The following CADPS2 variants were observed in gnomAD, a reference collection of about 807,000 sequenced individuals.
CADPS2 encodes calcium-dependent secretion activator 2.
A neutral mutation model predicts 172.5 loss-of-function variants in CADPS2; 93 were observed. That is an observed-to-expected ratio of 0.54 (90% CI 0.46 to 0.64). The LOEUF is 0.64. Among genes scored for constraint, CADPS2 ranks in the 30% least tolerant of loss-of-function variants. The probability of loss-of-function intolerance (pLI) is 0.00; values close to 1 mark genes in which losing one functional copy is unlikely to be tolerated. For synonymous variants in CADPS2, 546 were observed against 555.2 expected, an observed-to-expected ratio of 0.98 and a Z score of 0.23; for missense variants, 1,420 against 1,565.9, an observed-to-expected ratio of 0.91 and a Z score of 1.57.
At position 122,627,308 on chromosome 7, in the gene CADPS2, TA is replaced by T. The variant is rs564161117; in HGVS notation, c.867+1939del. ...AAGGTCAGTCAATTGTTATTAGGCT[TA>T]AAAATATTTCATTAAGACGGCTTCA... On this transcript the variant is annotated intron_variant, in intron 4 of 29. Coordinates refer to ENST00000449022, the MANE Select transcript of CADPS2 (RefSeq NM_017954.11). Among the ~76,000 whole-genome samples the T allele has an allele frequency of 2.7e-3, 411 of 152,322 alleles. 1 individual carries two copies. Among genetic ancestry groups the T allele is most frequent in the African/African-American group, 8.9e-3 (368 of 41,574 alleles).
chr7:122,882,970 T>C (rs1408403861), intron 1 of CADPS2, among the ~76,000 whole-genome samples: 2 of 152,152 alleles, frequency 1.3e-5, no homozygotes, highest in East Asian at 1.9e-4. Context: ...GTGTAGCCCA[T>C]ATGCACCCCC....
intron 1 of CADPS2, among the ~76,000 whole-genome samples, chr7:122,854,942 GATA>G (rs540755464): frequency 3.3e-5 from 5 of 152,252 alleles, no homozygotes; most frequent in Non-Finnish European, 7.4e-5. Flanking sequence ...TAAAAAATTA[GATA>G]ATGTTTACTG....
intron 7 of CADPS2, among the ~76,000 whole-genome samples, chr7:122,564,693 A>G (rs2066176289): frequency 6.6e-6 from 1 of 152,156 alleles, no homozygotes; most frequent in Admixed American, 6.5e-5. Context: ...AAATCAGTAT[A>G]TCAAAAAGAC....
At chr7:122,816,978 C>G (rs1434684974) in intron 1 of CADPS2, among the ~76,000 whole-genome samples, 1 of 150,838 alleles carries the variant, frequency 6.6e-6, no homozygotes. Context: ...CACCTTGCGA[C>G]CCCCACTCCT....
intron 1 of CADPS2, among the ~76,000 whole-genome samples, chr7:122,831,184 A>G (rs1476798356): frequency 3.3e-5 from 5 of 152,160 alleles, no homozygotes; most frequent in Non-Finnish European, 1.5e-5. Flanking sequence ...GGTTATTATT[A>G]TTATTCAACT....
At chr7:122,358,821 C>G in intron 27 of CADPS2, among the ~76,000 whole-genome samples, 1 of 152,110 alleles carries the variant, frequency 6.6e-6, no homozygotes, top group Non-Finnish European at 1.5e-5. Flanking sequence ...ACTTTGTAAT[C>G]TGCCATGGTC....
chr7:122,434,303 T>C (rs1273667297), intron 17 of CADPS2, among the ~76,000 whole-genome samples: 2 of 152,018 alleles, frequency 1.3e-5, no homozygotes, highest in Non-Finnish European at 2.9e-5. Flanking sequence ...GTTTTGTTCC[T>C]GTCACTTTCT....
At chr7:122,340,398 G>A (rs927917269) in intron 28 of CADPS2, among the ~76,000 whole-genome samples, 6 of 152,154 alleles carry the variant, frequency 3.9e-5, no homozygotes, top group African/African-American at 1.4e-4. Context: ...TTCAAGGTGG[G>A]CAGTGCCCAA....
chr7:122,770,866 C>A (rs2093687409), intron 1 of CADPS2, among the ~76,000 whole-genome samples: 1 of 152,148 alleles, frequency 6.6e-6, no homozygotes, highest in African/African-American at 2.4e-5. Context: ...GACAAAAGGG[C>A]TTTAAGGCGT....
chr7:122,641,361 G>C (rs1298495630), intron 3 of CADPS2, among the ~76,000 whole-genome samples: 1 of 152,064 alleles, frequency 6.6e-6, no homozygotes, highest in Non-Finnish European at 1.5e-5. Flanking sequence ...TCATTACACA[G>C]GGATTACTGT....
At chr7:122,756,674 G>C (rs1407577065) in intron 1 of CADPS2, among the ~76,000 whole-genome samples, 3 of 152,154 alleles carry the variant, frequency 2.0e-5, no homozygotes, top group Non-Finnish European at 4.4e-5. Flanking sequence ...GGCAGTGGGT[G>C]CATCACCTGA....
chr7:122,734,389 A>AAAAAAAAAAAAAAAAAG (rs2091980642), intron 2 of CADPS2, among the ~76,000 whole-genome samples: 6 of 47,852 alleles, frequency 1.3e-4, no homozygotes, highest in Non-Finnish European at 2.3e-4. Flanking sequence ...AAAAAAAAGA[A>AAAAAAAAAAAAAAAAAG]AAAAAAAAAA....
intron 1 of CADPS2, among the ~76,000 whole-genome samples, chr7:122,799,750 T>C (rs759616253): frequency 1.3e-5 from 2 of 152,142 alleles, no homozygotes; most frequent in Non-Finnish European, 2.9e-5. Flanking sequence ...GGCACTCATA[T>C]TAGTCAAAAT....
chr7:122,546,871 C>A (rs552790657), intron 8 of CADPS2, among the ~76,000 whole-genome samples: 7 of 152,048 alleles, frequency 4.6e-5, no homozygotes, highest in Non-Finnish European at 8.8e-5. Context: ...TTCTTGTCAG[C>A]TGTTGGGGAA....
chr7:122,569,545 T>C (rs1163053078), intron 7 of CADPS2, among the ~76,000 whole-genome samples: 4 of 134,144 alleles, frequency 3.0e-5, no homozygotes, highest in Non-Finnish European at 6.1e-5. Context: ...AAAGTTCATA[T>C]GGAACCAAAA....
chr7:122,324,380 A>G (rs1253260353), intron 29 of CADPS2, among the ~76,000 whole-genome samples: 1 of 152,182 alleles, frequency 6.6e-6, no homozygotes, highest in Admixed American at 6.5e-5. Flanking sequence ...GTGGCTAGAA[A>G]CATCTTTTAA....
chr7:122,464,176 T>C (rs2054838218), intron 14 of CADPS2, among the ~76,000 whole-genome samples: 1 of 152,214 alleles, frequency 6.6e-6, no homozygotes, highest in African/African-American at 2.4e-5. Context: ...GCTTGCAGCA[T>C]GTCAGATTGC....
intron 9 of CADPS2, among the ~76,000 whole-genome samples, chr7:122,497,241 T>C (rs1171103388): frequency 6.6e-6 from 1 of 152,148 alleles, no homozygotes; most frequent in African/African-American, 2.4e-5. Context: ...GAACAACAAC[T>C]GGGGTTTTTA....
intron 1 of CADPS2, among the ~76,000 whole-genome samples, chr7:122,761,815 C>A (rs994982571): frequency 6.8e-6 from 1 of 146,820 alleles, no homozygotes; most frequent in African/African-American, 2.5e-5. Context: ...GCCAACATGG[C>A]GAAACCACAT....
Sources: allele counts gnomAD v4.1 joint callset (sites outside exome capture counted in the v4.1 genomes callset), GRCh38; gene constraint gnomAD v4.1.1; transcripts MANE v1.5; gene names NCBI Gene and HGNC (gene_info 2026-07-23, HGNC 2026-07-21).